The following DACH2 variants were observed in gnomAD, a reference collection of about 807,000 sequenced individuals.
DACH2 encodes the protein dachshund family transcription factor 2, also known as dachshund homolog 2.
Under a neutral mutation model 35.8 loss-of-function variants are expected in DACH2, and 17 were observed. That is an observed-to-expected ratio of 0.48 (90% confidence interval 0.33 to 0.71). The LOEUF (loss-of-function observed/expected upper bound fraction) is 0.71, where lower values mean the gene tolerates loss of function less well. Among genes scored for constraint, DACH2 ranks in the 30% least tolerant of loss-of-function variants. The pLI is 0.02. For missense variants in DACH2, 469 were observed against 472.7 expected, an observed-to-expected ratio of 0.99 and a Z score of 0.07; for synonymous variants, 195 against 177.3, an observed-to-expected ratio of 1.10 and a Z score of -0.79.
intron 4 of DACH2, among the ~76,000 whole-genome samples, chrX:86,683,109 A>G (rs1434631732): frequency 1.8e-5 from 2 of 110,034 alleles, no homozygotes; most frequent in South Asian, 7.6e-4. Flanking sequence ...TGTGTCTTTC[A>G]TGTTCGTGTT....
rs149084602 is a variant in DACH2, at chrX:86,621,493, A to T, written c.641-29543A>T. Among the ~76,000 whole-genome samples the T allele has an allele frequency of 1.0e-3, 114 of 111,380 alleles. 4 individuals are homozygous for T. In the East Asian group the frequency reaches 0.03, roughly 29 times the overall value. ...TAACTAATTTATTGCTCTAGTTTTG[A>T]TAATGATTTAATTCATGGAACTATA... On this transcript the variant is annotated intron_variant, in intron 3 of 11. Coordinates refer to ENST00000373125, the MANE Select transcript of DACH2 (RefSeq NM_053281.3).
chrX:86,703,718 G>C (rs1465625984), intron 5 of DACH2, among the ~76,000 whole-genome samples: 1 of 110,918 alleles, frequency 9.0e-6, no homozygotes, highest in Non-Finnish European at 1.9e-5. Flanking sequence ...TAAACAATGA[G>C]TCGAAAGATC....
At chrX:86,171,409 A>G (rs769072645) in intron 1 of DACH2, among the ~76,000 whole-genome samples, 2 of 110,930 alleles carry the variant, frequency 1.8e-5, no homozygotes, top group East Asian at 5.7e-4. Flanking sequence ...CTAGTTCAGC[A>G]GTAGGACTTG....
chrX:86,520,536 T>C (rs2038537335), intron 3 of DACH2, among the ~76,000 whole-genome samples: 1 of 111,707 alleles, frequency 9.0e-6, no homozygotes, highest in Non-Finnish European at 1.9e-5. Context: ...TGTGGGAGTC[T>C]ATGTCTCTTT....
chrX:86,363,764 T>C (rs781384505), intron 1 of DACH2, among the ~76,000 whole-genome samples: 2 of 111,731 alleles, frequency 1.8e-5, no homozygotes, highest in African/African-American at 3.2e-5. Flanking sequence ...TATATATTTG[T>C]ATGTAGGTTT....
chrX:86,813,150 G>A lies in DACH2; in HGVS notation c.1410G>A (p.Leu470=), dbSNP rs746354144. The part of the protein sequence containing the change: ...TNIQGLLKVA[L]DNARIQEKQI... The stretch of plus-strand genomic sequence containing the variant: ...GACAGGGTCTGCTGAAAGTTGCTTT[G>A]GATAATGCTCGCATCCAGGAGAAGC... The change falls in exon 9 of 12, where the codon TTG becomes TTA. Residue 470 remains leucine (L), a synonymous_variant. Transcript: ENST00000373125. 2.8e-5 allele frequency: 34 copies of A among 1,207,891 alleles called. No individual in the cohort carries two copies. Among genetic ancestry groups the A allele is most frequent in the Non-Finnish European group, 3.7e-5 (33 of 894,015 alleles).
At chrX:86,414,811 G>A (rs892881820) in intron 2 of DACH2, among the ~76,000 whole-genome samples, 2 of 111,197 alleles carry the variant, frequency 1.8e-5, no homozygotes, top group Non-Finnish European at 3.8e-5. Flanking sequence ...TCCCTCAACT[G>A]CAACATTAAA....
chrX:86,525,024 T>G (rs2038611300), intron 3 of DACH2, among the ~76,000 whole-genome samples: 2 of 111,846 alleles, frequency 1.8e-5, no homozygotes, highest in African/African-American at 3.2e-5. Context: ...AGGTAAGCAT[T>G]TTTAGCGTTT....
chrX:86,328,122 T>G (rs2035147723), intron 1 of DACH2, among the ~76,000 whole-genome samples: 1 of 111,565 alleles, frequency 9.0e-6, no homozygotes, highest in Non-Finnish European at 1.9e-5. Context: ...ATGAAAATAA[T>G]TAAATTTACT....
At chrX:86,164,305 G>C (rs2030867951) in intron 1 of DACH2, among the ~76,000 whole-genome samples, 1 of 109,008 alleles carries the variant, frequency 9.2e-6, no homozygotes, top group Admixed American at 9.8e-5. Flanking sequence ...TTGTAAATTT[G>C]CTTAAGTTCC....
intron 3 of DACH2, among the ~76,000 whole-genome samples, chrX:86,630,100 C>T (rs7881077): frequency 0.12 from 13,698 of 110,405 alleles, 748 homozygotes; most frequent in East Asian, 0.33. Flanking sequence ...ATTTCTCAAA[C>T]TGTGTTCTAC....
chrX:86,186,331 A>G (rs1358403494), intron 1 of DACH2, among the ~76,000 whole-genome samples: 1 of 112,787 alleles, frequency 8.9e-6, no homozygotes, highest in African/African-American at 3.2e-5. Context: ...CTTCAGATCT[A>G]CTTTCATCAG....
chrX:86,816,697 CAG>C (rs761625741), intron 11 of DACH2, among the ~76,000 whole-genome samples: 27 of 111,487 alleles, frequency 2.4e-4, no homozygotes, highest in Non-Finnish European at 4.2e-4. Context: ...AGTAAGAAAA[CAG>C]ATGAAACAAA....
chrX:86,295,386 G>A (rs972663556), intron 1 of DACH2, among the ~76,000 whole-genome samples: 8 of 111,925 alleles, frequency 7.1e-5, no homozygotes, highest in Non-Finnish European at 9.4e-5. Context: ...CTTCTGCGTC[G>A]CTCACGCTGG....
At position 86,571,707 on chromosome X, in the gene DACH2, T is replaced by G. The variant is rs200564480; in HGVS notation, c.640+57316T>G. On this transcript the variant is annotated intron_variant, in intron 3 of 11. Coordinates refer to ENST00000373125, the MANE Select transcript of DACH2 (RefSeq NM_053281.3). ...AGTCTTGAAATCGGGTAACGCAAGA[T>G]TTTTTTTTTAAATTGGCAATCCTAG... Among the ~76,000 whole-genome samples the G allele has an allele frequency of 1.4e-4, 4 of 27,739 alleles. No homozygotes were observed. In the African/African-American group the frequency reaches 1.8e-3, roughly 12 times the overall value. The allele number at this position is 27,739 out of a possible 115,157, so 24.1% of individuals were successfully genotyped here.
At chrX:86,196,616 C>T (rs2031990673) in intron 1 of DACH2, among the ~76,000 whole-genome samples, 2 of 95,774 alleles carry the variant, frequency 2.1e-5, no homozygotes, top group African/African-American at 8.2e-5. Context: ...TGGCGTGAAC[C>T]CAGGAGGTGG....
At chrX:86,302,626 A>C (rs2034596158) in intron 1 of DACH2, among the ~76,000 whole-genome samples, 1 of 111,305 alleles carries the variant, frequency 9.0e-6, no homozygotes, top group Non-Finnish European at 1.9e-5. Flanking sequence ...GATTTAATAA[A>C]CTGTTAAAAG....
At chrX:86,487,638 TTGA>T (rs1458298110) in intron 2 of DACH2, among the ~76,000 whole-genome samples, 1 of 51,269 alleles carries the variant, frequency 2.0e-5, no homozygotes, top group African/African-American at 6.2e-5. Flanking sequence ...TGCAAAACAC[TTGA>T]TGAGATTTTA....
At chrX:86,193,336 G>A (rs1327966462) in intron 1 of DACH2, among the ~76,000 whole-genome samples, 1 of 111,259 alleles carries the variant, frequency 9.0e-6, no homozygotes, top group Non-Finnish European at 1.9e-5. Context: ...TGCTATTTTT[G>A]CATTTCTTAA....
Sources: gnomAD v4.1 joint callset for allele counts (sites outside exome capture counted in the v4.1 genomes callset) on GRCh38, gnomAD v4.1.1 for gene constraint, MANE v1.5 for transcripts, NCBI Gene and HGNC (gene_info 2026-07-23, HGNC 2026-07-21) for gene names.